Variants in TRAPPC9 observed in about 807,000 individuals in gnomAD.
TRAPPC9 encodes trafficking protein particle complex subunit 9, also known as IKK2 binding protein.
Under a neutral mutation model 124.0 loss-of-function variants are expected in TRAPPC9, and 83 were observed. The observed-to-expected ratio is 0.67, with a 90% CI of 0.56 to 0.80. TRAPPC9 has a LOEUF of 0.80. Ranked by LOEUF, TRAPPC9 falls within the 30% of genes least tolerant of loss-of-function variation. TRAPPC9 has a pLI of 0.00. For synonymous variants in TRAPPC9, 638 were observed against 617.5 expected, an observed-to-expected ratio of 1.03 and a Z score of -0.49; for missense variants, 1,302 against 1,508.3, an observed-to-expected ratio of 0.86 and a Z score of 2.27.
At chr8:139,918,351 G>C (rs931748941) in intron 19 of TRAPPC9, among the ~76,000 whole-genome samples, 4 of 152,222 alleles carry the variant, frequency 2.6e-5, no homozygotes, top group African/African-American at 4.8e-5. Context: ...GTCTCCCAGG[G>C]AGGGAACCTG....
intron 2 of TRAPPC9, among the ~76,000 whole-genome samples, chr8:140,444,213 A>C (rs1458784185): frequency 2.8e-5 from 4 of 143,284 alleles, no homozygotes; most frequent in South Asian, 4.3e-4. Context: ...CTCTGTCTCA[A>C]AAAAAAAAAA....
intron 18 of TRAPPC9, among the ~76,000 whole-genome samples, chr8:139,993,864 T>C (rs1306108455): frequency 6.6e-6 from 1 of 152,040 alleles, no homozygotes; most frequent in African/African-American, 2.4e-5. Context: ...AATTTAAGAG[T>C]AGTCATTCAT....
chr8:140,243,995 T>C (rs1366868234), intron 16 of TRAPPC9, among the ~76,000 whole-genome samples: 2 of 152,208 alleles, frequency 1.3e-5, no homozygotes, highest in Non-Finnish European at 2.9e-5. Flanking sequence ...GTGCAAACTC[T>C]ATTGTGACCT....
intron 7 of TRAPPC9, among the ~76,000 whole-genome samples, chr8:140,383,415 A>C (rs1211898812): frequency 6.6e-6 from 1 of 152,216 alleles, no homozygotes; most frequent in Non-Finnish European, 1.5e-5. Context: ...AACACCTTGA[A>C]AAAAGATTAG....
intron 19 of TRAPPC9, among the ~76,000 whole-genome samples, chr8:139,954,226 G>T (rs952973905): frequency 1.3e-5 from 2 of 152,182 alleles, no homozygotes; most frequent in East Asian, 3.8e-4. Context: ...GGTTTCTTGG[G>T]TGTAAACAGA....
chr8:140,076,519 G>T (rs746983115), intron 17 of TRAPPC9, among the ~76,000 whole-genome samples: 1 of 152,230 alleles, frequency 6.6e-6, no homozygotes, highest in Non-Finnish European at 1.5e-5. Flanking sequence ...AGAGCGCCAG[G>T]CCTCCCGAGC....
intron 17 of TRAPPC9, among the ~76,000 whole-genome samples, chr8:140,033,657 G>GTTTTTTTTTTT (rs1491525674): frequency 2.0e-5 from 1 of 49,264 alleles, no homozygotes; most frequent in Non-Finnish European, 5.7e-5. Flanking sequence ...TTCATAATGT[G>GTTTTTTTTTTT]GTTTTTTTTT....
intron 21 of TRAPPC9, among the ~76,000 whole-genome samples, chr8:139,874,487 G>A (rs1298564269): frequency 6.6e-6 from 1 of 152,258 alleles, no homozygotes; most frequent in African/African-American, 2.4e-5. Context: ...CGGAAATGCA[G>A]CTGGGCCCAG....
chr8:139,792,248 T>C (rs1458210474), intron 21 of TRAPPC9, among the ~76,000 whole-genome samples: 1 of 150,392 alleles, frequency 6.6e-6, no homozygotes, highest in Non-Finnish European at 1.5e-5. Flanking sequence ...GCCAGGGGAG[T>C]AGGGGGACCT....
At chr8:139,957,187 C>A (rs1835044121) in intron 19 of TRAPPC9, among the ~76,000 whole-genome samples, 2 of 152,242 alleles carry the variant, frequency 1.3e-5, no homozygotes, top group African/African-American at 4.8e-5. Context: ...GAAGCTTGGG[C>A]CAGCCCAGGC....
intron 21 of TRAPPC9, among the ~76,000 whole-genome samples, chr8:139,762,148 G>A (rs962204253): frequency 5.3e-5 from 8 of 151,652 alleles, no homozygotes; most frequent in African/African-American, 1.5e-4. Context: ...GGAGGAGTGG[G>A]AGAAGGCCAG....
intron 18 of TRAPPC9, among the ~76,000 whole-genome samples, chr8:139,995,858 C>T (rs1563674739): frequency 8.6e-6 from 1 of 115,866 alleles, no homozygotes; most frequent in Non-Finnish European, 1.6e-5. Flanking sequence ...AGGTACTCTG[C>T]ATTAAAAAAA....
At chr8:139,994,099 T>A (rs1270127325) in intron 18 of TRAPPC9, among the ~76,000 whole-genome samples, 1 of 152,268 alleles carries the variant, frequency 6.6e-6, no homozygotes. Flanking sequence ...GACTAATGTG[T>A]TAGCCTGGGA....
chr8:139,920,220 C>T (rs191943851), intron 19 of TRAPPC9, among the ~76,000 whole-genome samples: 106 of 152,260 alleles, frequency 7.0e-4, no homozygotes, highest in African/African-American at 2.4e-3. Flanking sequence ...GTGGCGCGCA[C>T]CTGTAATCCC....
chr8:139,847,120 A>T (rs1392056412), intron 21 of TRAPPC9, among the ~76,000 whole-genome samples: 2 of 152,194 alleles, frequency 1.3e-5, no homozygotes, highest in Non-Finnish European at 2.9e-5. Flanking sequence ...GACAACAGGG[A>T]AGGAAGAAGG....
intron 19 of TRAPPC9, among the ~76,000 whole-genome samples, chr8:139,912,436 T>A (rs1285976248): frequency 2.0e-5 from 3 of 152,172 alleles, no homozygotes; most frequent in Non-Finnish European, 4.4e-5. Flanking sequence ...AAAAAATGAC[T>A]ATTGTAGAAA....
intron 7 of TRAPPC9, among the ~76,000 whole-genome samples, chr8:140,386,192 C>A (rs1181312006): frequency 6.6e-6 from 1 of 152,136 alleles, no homozygotes; most frequent in African/African-American, 2.4e-5. Flanking sequence ...CTATTTATGA[C>A]AAACCCACAG....
intron 17 of TRAPPC9, among the ~76,000 whole-genome samples, chr8:140,085,275 G>T (rs1844111707): frequency 6.7e-6 from 1 of 149,728 alleles, no homozygotes; most frequent in Admixed American, 6.7e-5. Context: ...TACACCACTT[G>T]CCCTTATTTT....
chr8:139,813,778 G>A (rs559016835), intron 21 of TRAPPC9, among the ~76,000 whole-genome samples: 27 of 152,334 alleles, frequency 1.8e-4, no homozygotes, highest in African/African-American at 6.5e-4. Context: ...AGGCCCTAAG[G>A]AGCCCACAGA....
Sources: gnomAD v4.1 joint callset for allele counts (sites outside exome capture counted in the v4.1 genomes callset) on GRCh38, gnomAD v4.1.1 for gene constraint, MANE v1.5 for transcripts, NCBI Gene and HGNC (gene_info 2026-07-23, HGNC 2026-07-21) for gene names.